Variants in RABGAP1L observed in about 807,000 individuals in gnomAD.
RABGAP1L encodes the protein rab GTPase-activating protein 1-like.
Under a neutral mutation model 137.7 loss-of-function variants are expected in RABGAP1L, and 63 were observed. That is an observed-to-expected ratio of 0.46 (90% CI 0.37 to 0.56). RABGAP1L has a LOEUF of 0.56. RABGAP1L is among the 20% of genes least tolerant of loss of function. RABGAP1L has a pLI of 0.00. For missense variants in RABGAP1L, 1,095 were observed against 1,244.0 expected, an observed-to-expected ratio of 0.88 and a Z score of 1.80; for synonymous variants, 431 against 433.7, an observed-to-expected ratio of 0.99 and a Z score of 0.08.
intron 13 of RABGAP1L, among the ~76,000 whole-genome samples, chr1:174,467,129 T>C (rs1180416092): frequency 1.3e-5 from 2 of 152,198 alleles, no homozygotes; most frequent in Non-Finnish European, 2.9e-5. Context: ...CACAAATATA[T>C]ACACAGCTAG....
intron 13 of RABGAP1L, among the ~76,000 whole-genome samples, chr1:174,514,186 A>G (rs1351057580): frequency 3.3e-5 from 5 of 149,362 alleles, no homozygotes; most frequent in Non-Finnish European, 3.0e-5. Context: ...CAACAATGGA[A>G]TCATGGGCTG....
At chr1:174,593,001 T>C (rs1669715068) in intron 13 of RABGAP1L, among the ~76,000 whole-genome samples, 1 of 40,870 alleles carries the variant, frequency 2.4e-5, no homozygotes, top group East Asian at 5.8e-4. Context: ...TTTTGGTTGG[T>C]AAACTATTGA....
intron 18 of RABGAP1L, among the ~76,000 whole-genome samples, chr1:174,792,497 T>A (rs1274492787): frequency 6.6e-6 from 1 of 152,178 alleles, no homozygotes; most frequent in Non-Finnish European, 1.5e-5. Flanking sequence ...GTAAAATATT[T>A]AATTGAGGTG....
rs751253216 is a variant in RABGAP1L, at chr1:174,702,273, C to T, written c.2169+17C>T. 6.4e-7 allele frequency: 1 copy of T among 1,568,082 alleles called. No homozygotes were observed. Among genetic ancestry groups the T allele is most frequent in the Non-Finnish European group, 8.6e-7 (1 of 1,158,530 alleles). On this transcript the variant is annotated intron_variant, in intron 17 of 25. Transcript: ENST00000681986. Reference sequence around the variant, plus strand: ...CTTTGTGAGGTAGAGTGACTCCCATCTTTCACTAAGCCAAAATAGAAAGTA... The same window carrying T: ...CTTTGTGAGGTAGAGTGACTCCCATTTTTCACTAAGCCAAAATAGAAAGTA...
intron 18 of RABGAP1L, chr1:174,756,914 G>T: frequency 1.4e-6 from 1 of 723,728 alleles, no homozygotes; most frequent in Non-Finnish European, 2.3e-6. Flanking sequence ...CTTGGCATTG[G>T]CACCACCAGT....
At chr1:174,949,679 A>G (rs1667429549) in intron 19 of RABGAP1L, among the ~76,000 whole-genome samples, 2 of 152,222 alleles carry the variant, frequency 1.3e-5, no homozygotes, top group African/African-American at 4.8e-5. Flanking sequence ...GCAGAAAACT[A>G]TAAATTTAGG....
chr1:174,163,606 G>T (rs531913771), intron 1 of RABGAP1L, among the ~76,000 whole-genome samples: 1 of 129,592 alleles, frequency 7.7e-6, no homozygotes, highest in Non-Finnish European at 1.5e-5. Context: ...CAGTGCTGTT[G>T]GGCTTAAAAA....
At chr1:174,256,447 T>C (rs1673131521) in intron 7 of RABGAP1L, among the ~76,000 whole-genome samples, 1 of 152,144 alleles carries the variant, frequency 6.6e-6, no homozygotes, top group African/African-American at 2.4e-5. Context: ...ACTTTTTTTC[T>C]TCCTTGCAAC....
chr1:174,459,176 C>A (rs1185529261), intron 13 of RABGAP1L, among the ~76,000 whole-genome samples: 1 of 151,998 alleles, frequency 6.6e-6, no homozygotes, highest in African/African-American at 2.4e-5. Flanking sequence ...TATATTTACA[C>A]AAAATTAAGC....
chr1:174,396,637 G>T (rs1185630218), intron 13 of RABGAP1L, among the ~76,000 whole-genome samples: 1 of 152,018 alleles, frequency 6.6e-6, no homozygotes, highest in Non-Finnish European at 1.5e-5. Flanking sequence ...GGGGTAGGAG[G>T]TAACTGCCAT....
chr1:174,557,001 A>G lies in RABGAP1L; in HGVS notation c.1711-80374A>G, dbSNP rs557679341. Among the ~76,000 whole-genome samples the G allele has an allele frequency of 1.3e-4, 20 of 152,306 alleles. No individual in the cohort carries two copies. The South Asian group carries it at 3.9e-3, about 30-fold the overall frequency. On this transcript the variant is annotated intron_variant, in intron 13 of 25. Transcript: ENST00000681986. ...GCAAAGGATCTTATCTCATCTATAT[A>G]TACTCTTGAATGACATGAACTGGCA...
chr1:174,963,688 C>G (rs1461415545), intron 20 of RABGAP1L, among the ~76,000 whole-genome samples: 2 of 151,890 alleles, frequency 1.3e-5, no homozygotes, highest in Admixed American at 1.3e-4. Context: ...TAGGCCAAAT[C>G]TGGCTCACTG....
chr1:174,228,237 T>G (rs1670352010), intron 3 of RABGAP1L, among the ~76,000 whole-genome samples: 1 of 152,084 alleles, frequency 6.6e-6, no homozygotes, highest in Non-Finnish European at 1.5e-5. Context: ...ATTTGGAATC[T>G]GTAGAGTCAT....
intron 13 of RABGAP1L, among the ~76,000 whole-genome samples, chr1:174,574,967 G>A (rs1038845913): frequency 1.3e-5 from 2 of 152,160 alleles, no homozygotes; most frequent in African/African-American, 4.8e-5. Context: ...TCTCACTCTT[G>A]TTGCCCAGAC....
chr1:174,883,075 C>T (rs1327916361), intron 19 of RABGAP1L, among the ~76,000 whole-genome samples: 2 of 152,142 alleles, frequency 1.3e-5, no homozygotes, highest in Admixed American at 6.6e-5. Flanking sequence ...CCACCTGCCT[C>T]GGCCTCCCAA....
intron 19 of RABGAP1L, among the ~76,000 whole-genome samples, chr1:174,939,547 CAAA>C (rs780377420): frequency 7.6e-5 from 6 of 79,168 alleles, no homozygotes; most frequent in Non-Finnish European, 6.7e-5. Flanking sequence ...CTCTGTCTCA[CAAA>C]AAAAAAAAAA....
At chr1:174,253,755 C>G (rs752888732) in intron 7 of RABGAP1L, among the ~76,000 whole-genome samples, 6 of 152,094 alleles carry the variant, frequency 3.9e-5, no homozygotes, top group Non-Finnish European at 5.9e-5. Flanking sequence ...GTACTTCAGT[C>G]AAACAACAAA....
intron 15 of RABGAP1L, among the ~76,000 whole-genome samples, chr1:174,686,648 CTTTTTTTTTTTTTT>C (rs533716511): frequency 2.1e-4 from 22 of 105,832 alleles, no homozygotes; most frequent in South Asian, 3.9e-4. Flanking sequence ...ACAAAGCAAT[CTTTTTTTTTTTTTT>C]TTTTTTTTTT....
Position 174,701,676 on chromosome 1 carries a change from G to C in RABGAP1L, c.2026-437G>C, listed in dbSNP as rs573629306. ...GAAAATGGCTTGAACCTGGGAGGCGGAGGTTGCAGTGAGCCAGGATCATGC... is the reference window on the plus strand; with the variant it reads ...GAAAATGGCTTGAACCTGGGAGGCGCAGGTTGCAGTGAGCCAGGATCATGC... On this transcript the variant is annotated intron_variant, in intron 16 of 25. Transcript: ENST00000681986. 8.7e-4 allele frequency among the ~76,000 whole-genome samples: 132 copies of C among 151,320 alleles called. 2 individuals are homozygous for C. The Middle Eastern group carries it at 0.014, about 16-fold the overall frequency.
Sources: allele counts gnomAD v4.1 joint callset (sites outside exome capture counted in the v4.1 genomes callset), GRCh38; gene constraint gnomAD v4.1.1; transcripts MANE v1.5; gene names NCBI Gene and HGNC (gene_info 2026-07-23, HGNC 2026-07-21).